SHISA6: variants seen among roughly 807,000 people sequenced by gnomAD.
SHISA6 encodes shisa family member 6, also known as protein shisa-6.
Under a neutral mutation model 47.9 loss-of-function variants are expected in SHISA6, and 22 were observed. That is an observed-to-expected ratio of 0.46 (90% CI 0.33 to 0.66). SHISA6 has a LOEUF of 0.66. SHISA6 is among the 30% of genes least tolerant of loss of function. SHISA6 has a pLI of 0.02. For synonymous variants in SHISA6, 388 were observed against 337.8 expected, an observed-to-expected ratio of 1.15 and a Z score of -1.63; for missense variants, 680 against 764.6, an observed-to-expected ratio of 0.89 and a Z score of 1.30.
intron 5 of SHISA6, among the ~76,000 whole-genome samples, chr17:11,557,337 G>A (rs2142391856): frequency 6.6e-6 from 1 of 152,300 alleles, no homozygotes; most frequent in Non-Finnish European, 1.5e-5. Flanking sequence ...ACCATGGTGT[G>A]GTAGATACGG....
chr17:11,412,963 A>G (rs1240025566), intron 3 of SHISA6, among the ~76,000 whole-genome samples: 1 of 152,144 alleles, frequency 6.6e-6, no homozygotes, highest in African/African-American at 2.4e-5. Flanking sequence ...ATTAGTGAAG[A>G]GGCTGCATTG....
chr17:11,359,716 G>A (rs1026301278), intron 2 of SHISA6, among the ~76,000 whole-genome samples: 3 of 152,188 alleles, frequency 2.0e-5, no homozygotes, highest in Non-Finnish European at 1.5e-5. Context: ...CCTTGTCCAC[G>A]GATTGGTTTT....
intron 2 of SHISA6, among the ~76,000 whole-genome samples, chr17:11,307,446 C>T (rs11870262): frequency 0.025 from 3,784 of 152,262 alleles, 143 homozygotes; most frequent in African/African-American, 0.078. Context: ...TCCAGCTTAT[C>T]GGAAGAGGAA....
chr17:11,331,437 G>GA (rs368998513), intron 2 of SHISA6, among the ~76,000 whole-genome samples: 2 of 151,986 alleles, frequency 1.3e-5, no homozygotes, highest in African/African-American at 2.4e-5. Flanking sequence ...TATGTCTAGA[G>GA]AAAAAAATGC....
intron 3 of SHISA6, among the ~76,000 whole-genome samples, chr17:11,418,356 T>C (rs1162838324): frequency 1.3e-5 from 2 of 152,190 alleles, no homozygotes; most frequent in Non-Finnish European, 1.5e-5. Context: ...CTCCATTGCA[T>C]TGTCATGAGA....
At chr17:11,481,451 A>C (rs1208987847) in intron 3 of SHISA6, among the ~76,000 whole-genome samples, 1 of 150,804 alleles carries the variant, frequency 6.6e-6, no homozygotes, top group African/African-American at 2.4e-5. Context: ...ATGCTTATTA[A>C]AATATAATAT....
At chr17:11,288,052 A>G (rs949297832) in intron 2 of SHISA6, among the ~76,000 whole-genome samples, 1 of 152,254 alleles carries the variant, frequency 6.6e-6, no homozygotes, top group African/African-American at 2.4e-5. Flanking sequence ...CATCACTAGC[A>G]CCTGATTATT....
At chr17:11,424,827 C>T (rs575246853) in intron 3 of SHISA6, among the ~76,000 whole-genome samples, 2 of 151,814 alleles carry the variant, frequency 1.3e-5, no homozygotes, top group East Asian at 3.9e-4. Flanking sequence ...CATGGTGAAA[C>T]CCCGTCTCTA....
chr17:11,385,310 C>T (rs138504688), intron 3 of SHISA6, among the ~76,000 whole-genome samples: 5,382 of 152,020 alleles, frequency 0.035, 176 homozygotes, highest in Admixed American at 0.09. Context: ...TTGTGTGGGG[C>T]GCAGCAATGA....
intron 2 of SHISA6, among the ~76,000 whole-genome samples, chr17:11,343,700 C>A (rs1311171221): frequency 6.6e-6 from 1 of 152,218 alleles, no homozygotes; most frequent in African/African-American, 2.4e-5. Context: ...AGCTGCAGGG[C>A]AGAAAGCACC....
At chr17:11,246,038 C>T (rs1033542757) in intron 1 of SHISA6, among the ~76,000 whole-genome samples, 2 of 152,072 alleles carry the variant, frequency 1.3e-5, no homozygotes, top group Non-Finnish European at 1.5e-5. Context: ...CAAGTCACTG[C>T]GTTTTTTGAA....
At chr17:11,500,847 A>G (rs1011737780) in intron 3 of SHISA6, among the ~76,000 whole-genome samples, 1 of 152,174 alleles carries the variant, frequency 6.6e-6, no homozygotes. Context: ...TTGGGTCTAC[A>G]GGGAAACTGG....
rs560504569 is a variant in SHISA6, at chr17:11,298,608, T to A, written c.799+35082T>A. Among the ~76,000 whole-genome samples the A allele has an allele frequency of 2.0e-5, 3 of 152,266 alleles. No individual in the cohort carries two copies. The South Asian group carries it at 6.2e-4, about 32-fold the overall frequency. ...GCCAGTGAGAAAGCAGTGGGGTCAG[T>A]GCCATGGCAGCTGGGGAATGTGCTA... On this transcript the variant is annotated intron_variant, in intron 2 of 5. Coordinates refer to ENST00000441885, the MANE Select transcript of SHISA6 (RefSeq NM_207386.4).
chr17:11,328,890 G>A (rs1443746995), intron 2 of SHISA6, among the ~76,000 whole-genome samples: 2 of 152,180 alleles, frequency 1.3e-5, no homozygotes, highest in Non-Finnish European at 2.9e-5. Context: ...GGGAGGGAGT[G>A]TGCTGTGGGC....
intron 3 of SHISA6, among the ~76,000 whole-genome samples, chr17:11,481,231 A>G (rs924708199): frequency 2.0e-5 from 3 of 151,876 alleles, no homozygotes; most frequent in Non-Finnish European, 2.9e-5. Flanking sequence ...GTGAGCCAAG[A>G]TCGCACCACT....
At chr17:11,466,486 A>G (rs1915813088) in intron 3 of SHISA6, among the ~76,000 whole-genome samples, 1 of 152,166 alleles carries the variant, frequency 6.6e-6, no homozygotes, top group African/African-American at 2.4e-5. Context: ...ATGGAAGGTA[A>G]CTTATTCACA....
At chr17:11,536,283 C>T (rs1215331661) in intron 3 of SHISA6, among the ~76,000 whole-genome samples, 2 of 151,400 alleles carry the variant, frequency 1.3e-5, no homozygotes. Flanking sequence ...TGATAGTATG[C>T]CAGGAACACT....
intron 3 of SHISA6, among the ~76,000 whole-genome samples, chr17:11,530,190 C>A (rs950925760): frequency 1.3e-5 from 2 of 152,114 alleles, no homozygotes; most frequent in Non-Finnish European, 2.9e-5. Flanking sequence ...CTAAGTTCTG[C>A]CTGTTACGAG....
At chr17:11,446,133 G>A (rs1318355073) in intron 3 of SHISA6, among the ~76,000 whole-genome samples, 1 of 152,082 alleles carries the variant, frequency 6.6e-6, no homozygotes, top group African/African-American at 2.4e-5. Context: ...GCTTGTTAAA[G>A]GCAATGATGT....
Sources: allele counts gnomAD v4.1 joint callset (sites outside exome capture counted in the v4.1 genomes callset), GRCh38; gene constraint gnomAD v4.1.1; transcripts MANE v1.5; gene names NCBI Gene and HGNC (gene_info 2026-07-23, HGNC 2026-07-21).